WDPCP: variants seen among roughly 807,000 people sequenced by gnomAD.
WDPCP encodes the protein WD repeat-containing and planar cell polarity effector protein fritz homolog.
A neutral mutation model predicts 93.1 loss-of-function variants in WDPCP; 71 were observed. The ratio of observed to expected loss-of-function variants is 0.76; its 90% CI spans 0.63 to 0.93. The LOEUF (loss-of-function observed/expected upper bound fraction) is 0.93. Ranked by LOEUF, WDPCP falls within the 40% of genes least tolerant of loss-of-function variation. The pLI, the probability that WDPCP is intolerant of heterozygous loss-of-function variation, is 0.00. For missense variants in WDPCP, 844 were observed against 887.4 expected, an observed-to-expected ratio of 0.95 and a Z score of 0.62; for synonymous variants, 315 against 315.0, an observed-to-expected ratio of 1.00 and a Z score of 0.00.
chr2:63,498,836 A>G (rs1001750260), intron 1 of WDPCP, among the ~76,000 whole-genome samples: 2 of 152,222 alleles, frequency 1.3e-5, no homozygotes, highest in Non-Finnish European at 2.9e-5. Flanking sequence ...AATAAGGATA[A>G]ATGATAGCAT....
chr2:63,316,494 A>C (rs1235262686), intron 12 of WDPCP, among the ~76,000 whole-genome samples: 2 of 152,082 alleles, frequency 1.3e-5, no homozygotes, highest in African/African-American at 4.8e-5. Context: ...CTCTACTAAA[A>C]ATACAAAACT....
At chr2:63,485,717 T>G (rs947222847) in intron 4 of WDPCP, among the ~76,000 whole-genome samples, 1 of 151,884 alleles carries the variant, frequency 6.6e-6, no homozygotes, top group African/African-American at 2.4e-5. Flanking sequence ...ATGTTAAACA[T>G]GTCTATTTTA....
intron 2 of WDPCP, among the ~76,000 whole-genome samples, chr2:63,737,141 T>C (rs899019744): frequency 1.3e-5 from 2 of 152,282 alleles, no homozygotes; most frequent in African/African-American, 4.8e-5. Flanking sequence ...ATGCCTGATA[T>C]AAGCAGCTGC....
intron 1 of WDPCP, among the ~76,000 whole-genome samples, chr2:63,562,371 C>T (rs901149922): frequency 1.4e-4 from 22 of 151,974 alleles, no homozygotes; most frequent in African/African-American, 5.1e-4. Flanking sequence ...TAGAGCCTGT[C>T]GGGGGTTGTG....
intron 1 of WDPCP, among the ~76,000 whole-genome samples, chr2:63,514,023 A>T (rs766661013): frequency 6.6e-6 from 1 of 152,160 alleles, no homozygotes; most frequent in Non-Finnish European, 1.5e-5. Flanking sequence ...CTCCAGAGTT[A>T]AGTTCTCTTC....
At chr2:63,652,734 A>G (rs1710122081) in intron 2 of WDPCP, among the ~76,000 whole-genome samples, 2 of 150,426 alleles carry the variant, frequency 1.3e-5, no homozygotes. Flanking sequence ...CAAATTTACT[A>G]CAAGTTAAAC....
intron 9 of WDPCP, among the ~76,000 whole-genome samples, chr2:63,422,612 C>A (rs1335104005): frequency 6.6e-6 from 1 of 152,048 alleles, no homozygotes; most frequent in Non-Finnish European, 1.5e-5. Context: ...TATAATATTA[C>A]CATTTTGCAA....
intron 13 of WDPCP, among the ~76,000 whole-genome samples, chr2:63,271,976 C>T (rs1463055147): frequency 6.6e-6 from 1 of 152,102 alleles, no homozygotes; most frequent in African/African-American, 2.4e-5. Context: ...GCCCAAGGAC[C>T]CACCCACCCA....
chr2:63,342,458 T>C (rs1436440871), intron 12 of WDPCP, among the ~76,000 whole-genome samples: 2 of 152,248 alleles, frequency 1.3e-5, no homozygotes, highest in East Asian at 3.8e-4. Flanking sequence ...ATTCTTCCAA[T>C]ACTGCCTTAT....
intron 17 of WDPCP, among the ~76,000 whole-genome samples, chr2:63,143,664 T>G (rs1405491622): frequency 6.6e-6 from 1 of 152,228 alleles, no homozygotes; most frequent in East Asian, 1.9e-4. Flanking sequence ...CATTTGTTTG[T>G]CTGAAAACGA....
intron 2 of WDPCP, among the ~76,000 whole-genome samples, chr2:63,723,059 G>A (rs1052748382): frequency 2.0e-4 from 31 of 152,184 alleles, no homozygotes; most frequent in Middle Eastern, 3.2e-3. Flanking sequence ...TGCAAGATGT[G>A]CTTTGTTAAA....
intron 14 of WDPCP, among the ~76,000 whole-genome samples, chr2:63,197,128 C>T (rs907758729): frequency 6.6e-6 from 1 of 152,126 alleles, no homozygotes; most frequent in African/African-American, 2.4e-5. Context: ...CCTCTGCCAC[C>T]CCAAGACAGC....
upstream of WDPCP, among the ~76,000 whole-genome samples, chr2:63,830,684 T>C (rs1047491582): frequency 7.9e-5 from 12 of 152,170 alleles, no homozygotes; most frequent in Admixed American, 7.9e-4. Context: ...ACTGGCCATA[T>C]CTGATACTCT....
chr2:63,340,197 C>T (rs149859535), intron 12 of WDPCP, among the ~76,000 whole-genome samples: 4 of 152,134 alleles, frequency 2.6e-5, no homozygotes, highest in South Asian at 2.1e-4. Context: ...TCCTTTTTGG[C>T]TCAAGGTGGC....
chr2:63,474,400 T>C (rs1259942586), intron 6 of WDPCP, among the ~76,000 whole-genome samples: 1 of 152,106 alleles, frequency 6.6e-6, no homozygotes. Context: ...TTTACTTTAA[T>C]TGGACATTTA....
intron 17 of WDPCP, among the ~76,000 whole-genome samples, chr2:63,136,487 G>GAA (rs1670627761): frequency 6.6e-6 from 1 of 152,144 alleles, no homozygotes; most frequent in East Asian, 1.9e-4. Flanking sequence ...ACACATAATA[G>GAA]AACACTTAAG....
chr2:63,583,694 GA>G (rs1272189172), intron 1 of WDPCP, among the ~76,000 whole-genome samples: 1 of 146,630 alleles, frequency 6.8e-6, no homozygotes, highest in East Asian at 2.0e-4. Flanking sequence ...AAAAAAAAAA[GA>G]AAGAAATTTT....
intron 14 of WDPCP, among the ~76,000 whole-genome samples, chr2:63,183,970 CAGG>C (rs1674440113): frequency 6.6e-6 from 1 of 151,962 alleles, no homozygotes; most frequent in African/African-American, 2.4e-5. Flanking sequence ...TCTGTTTGTG[CAGG>C]AGATCTGTTT....
At chr2:63,692,579 A>G (rs1668906329) in intron 2 of WDPCP, among the ~76,000 whole-genome samples, 2 of 152,240 alleles carry the variant, frequency 1.3e-5, no homozygotes, top group African/African-American at 4.8e-5. Flanking sequence ...GGTCAAGAAT[A>G]TTCAGCAATC....
Sources: gnomAD v4.1 joint callset for allele counts (sites outside exome capture counted in the v4.1 genomes callset) on GRCh38, gnomAD v4.1.1 for gene constraint, MANE v1.5 for transcripts, NCBI Gene and HGNC (gene_info 2026-07-23, HGNC 2026-07-21) for gene names.